ATP6V1H: variants seen among roughly 807,000 people sequenced by gnomAD.
ATP6V1H encodes ATPase H+ transporting V1 subunit H, also known as V-type proton ATPase subunit H.
Under a neutral mutation model 71.7 loss-of-function variants are expected in ATP6V1H, and 39 were observed. That is an observed-to-expected ratio of 0.54 (90% confidence interval 0.42 to 0.71). The LOEUF is 0.71. Ranked by LOEUF, ATP6V1H falls within the 30% of genes least tolerant of loss-of-function variation. The pLI is 0.00. For missense variants in ATP6V1H, 509 were observed against 594.9 expected (o/e 0.86, Z 1.50); for synonymous variants, 192 against 199.3 (o/e 0.96, Z 0.31).
In ATP6V1H at chr8:53,811,186, G is replaced by C; in HGVS notation, c.557C>G (p.Thr186Arg). Residue 186 changes from threonine to arginine, a missense_variant, in exon 7 of 14, where the codon ACA (threonine) becomes AGA (arginine). By Grantham distance (71) the Thr-to-Arg change is moderately conservative. Coordinates refer to ENST00000359530, the MANE Select transcript of ATP6V1H (RefSeq NM_015941.4). Reference sequence around the variant, plus strand: ...TACATCACTTGAAGAGACTGTTCCTGTTTCAACAGCAACACCGCTACCACG... The same window carrying C: ...TACATCACTTGAAGAGACTGTTCCTCTTTCAACAGCAACACCGCTACCACG... ...KLRGSGVAVE[T>R]GTVSSSDSSQ... is the part of the protein sequence containing the mutation. 6.2e-7 allele frequency: 1 copy of C among 1,613,364 alleles called. No homozygotes were observed. Among genetic ancestry groups the C allele is most frequent in the African/African-American group, 1.3e-5 (1 of 75,018 alleles).
At chr8:53,828,328 G>C (rs1810888106) in intron 4 of ATP6V1H, among the ~76,000 whole-genome samples, 1 of 152,186 alleles carries the variant, frequency 6.6e-6, no homozygotes, top group Non-Finnish European at 1.5e-5. Context: ...TACACATACG[G>C]AAAGGAGAGA....
intron 13 of ATP6V1H, among the ~76,000 whole-genome samples, chr8:53,719,998 G>C (rs998420382): frequency 1.1e-4 from 17 of 152,068 alleles, no homozygotes; most frequent in African/African-American, 4.1e-4. Context: ...TTACCTCAGG[G>C]GATAATAATA....
intron 2 of ATP6V1H, 38 bp downstream of exon 2, chr8:53,841,540 A>G: frequency 6.2e-7 from 1 of 1,607,150 alleles, no homozygotes; most frequent in Non-Finnish European, 8.5e-7. Context: ...ATGCAAAAGC[A>G]TATGACTGTC....
chr8:53,779,970 C>T (rs909975979), intron 9 of ATP6V1H, among the ~76,000 whole-genome samples: 1 of 151,938 alleles, frequency 6.6e-6, no homozygotes, highest in Non-Finnish European at 1.5e-5. Flanking sequence ...ACCAGCCTGG[C>T]CAACACAGTG....
intron 4 of ATP6V1H, among the ~76,000 whole-genome samples, chr8:53,821,967 C>T (rs1228045134): frequency 6.6e-6 from 1 of 152,046 alleles, no homozygotes. Flanking sequence ...AAAACCAAAA[C>T]TGAGAAATCT....
intron 5 of ATP6V1H, among the ~76,000 whole-genome samples, chr8:53,816,940 C>G (rs949914509): frequency 6.6e-6 from 1 of 152,150 alleles, no homozygotes; most frequent in Non-Finnish European, 1.5e-5. Flanking sequence ...CACTGTAGAG[C>G]TGTTTACATG....
chr8:53,785,187 G>C (rs1352146618), intron 9 of ATP6V1H, among the ~76,000 whole-genome samples: 4 of 152,178 alleles, frequency 2.6e-5, no homozygotes, highest in Non-Finnish European at 5.9e-5. Context: ...ATCAGACGCA[G>C]ATTTGGTCTT....
chr8:53,730,294 C>G (rs1202425383), intron 13 of ATP6V1H, among the ~76,000 whole-genome samples: 2 of 152,214 alleles, frequency 1.3e-5, no homozygotes, highest in African/African-American at 4.8e-5. Context: ...TTCTTGTAAA[C>G]AAACTATTCT....
At chr8:53,763,972 G>GTGCTCACC in intron 11 of ATP6V1H, among the ~76,000 whole-genome samples, 1 of 152,326 alleles carries the variant, frequency 6.6e-6, no homozygotes, top group Middle Eastern at 3.4e-3. Flanking sequence ...GGCCTTCACA[G>GTGCTCACC]TGCTCACCTA....
At chr8:53,735,865 T>C (rs4737558) in intron 13 of ATP6V1H, among the ~76,000 whole-genome samples, 22,168 of 152,144 alleles carry the variant, frequency 0.15, 2,593 homozygotes, top group East Asian at 0.37. Flanking sequence ...TTGCAGGTGT[T>C]GTTTCTTGGA....
intron 13 of ATP6V1H, among the ~76,000 whole-genome samples, chr8:53,728,998 C>A (rs1806918857): frequency 2.6e-5 from 4 of 152,192 alleles, no homozygotes; most frequent in Admixed American, 2.6e-4. Flanking sequence ...GCTCAATAAA[C>A]CTTTAATGAA....
intron 7 of ATP6V1H, among the ~76,000 whole-genome samples, chr8:53,802,131 C>T (rs1041631307): frequency 3.9e-5 from 6 of 152,188 alleles, no homozygotes; most frequent in African/African-American, 7.2e-5. Flanking sequence ...CTACTTAACA[C>T]ACAGGGAAAT....
chr8:53,779,440 T>A (rs879796093), intron 9 of ATP6V1H, among the ~76,000 whole-genome samples: 1 of 151,562 alleles, frequency 6.6e-6, no homozygotes, highest in Non-Finnish European at 1.5e-5. Context: ...GAAGAAATCA[T>A]GATATATGAC....
chr8:53,841,586 G>C lies in ATP6V1H; in HGVS notation c.105C>G (p.Ser35=), dbSNP rs563740354. 1 of 1,614,052 alleles carries C rather than the reference G, an allele frequency of 6.2e-7. No homozygotes were observed. Among genetic ancestry groups the C allele is most frequent in the South Asian group, 1.1e-5 (1 of 91,062 alleles). Residue 35 remains serine (S), a synonymous_variant, in exon 2 of 14, where the codon TCC becomes TCG. Transcript: ENST00000359530. ...EVRANKVNWQ[S]YLQGQMISAE... ...AGCAAATTGGTACTTACTGAAGATA[G>C]GATTGCCAGTTGACTTTGTTTGCAC...
intron 7 of ATP6V1H, among the ~76,000 whole-genome samples, chr8:53,804,146 C>T (rs1169209201): frequency 1.3e-5 from 2 of 152,170 alleles, no homozygotes; most frequent in Admixed American, 6.5e-5. Flanking sequence ...AGTAGCCATA[C>T]CATTCCAGAG....
intron 11 of ATP6V1H, among the ~76,000 whole-genome samples, chr8:53,757,951 A>T (rs1808133015): frequency 6.6e-6 from 1 of 152,260 alleles, no homozygotes; most frequent in Non-Finnish European, 1.5e-5. Context: ...ATAAAGATGT[A>T]GGTAAGGTAT....
At chr8:53,752,739 C>T (rs966994655) in intron 12 of ATP6V1H, among the ~76,000 whole-genome samples, 2 of 152,008 alleles carry the variant, frequency 1.3e-5, no homozygotes, top group Non-Finnish European at 2.9e-5. Context: ...TTAGTAGAGA[C>T]GGGGTTTCAC....
At chr8:53,756,501 G>C in intron 12 of ATP6V1H, 54 bp downstream of exon 12, 2 of 1,342,070 alleles carry the variant, frequency 1.5e-6, no homozygotes, top group African/African-American at 2.9e-5. Flanking sequence ...CATTATTTAG[G>C]ACTCTACACT....
intron 13 of ATP6V1H, among the ~76,000 whole-genome samples, chr8:53,730,421 A>G (rs1489240820): frequency 2.0e-5 from 3 of 152,354 alleles, no homozygotes; most frequent in African/African-American, 7.2e-5. Flanking sequence ...ACTTGTTTCT[A>G]TAATAGATCA....
Sources: gnomAD v4.1 joint callset for allele counts (sites outside exome capture counted in the v4.1 genomes callset) on GRCh38, gnomAD v4.1.1 for gene constraint, MANE v1.5 for transcripts, NCBI Gene and HGNC (gene_info 2026-07-23, HGNC 2026-07-21) for gene names.